Variants in RSRC1 observed in about 807,000 individuals in gnomAD.
RSRC1 encodes the protein arginine and serine rich coiled-coil 1.
RSRC1 carries 39 observed loss-of-function variants against 49.1 expected under a neutral mutation model. The ratio of observed to expected loss-of-function variants is 0.79; its 90% CI spans 0.61 to 1.04. The LOEUF is 1.04. Ranked by LOEUF, RSRC1 falls within the 50% of genes least tolerant of loss-of-function variation. The pLI is 0.00. For missense variants in RSRC1, 388 were observed against 402.4 expected (o/e 0.96, Z 0.31); for synonymous variants, 143 against 130.8 (o/e 1.09, Z -0.63).
At chr3:158,212,110 T>TA (rs1721708665) in intron 4 of RSRC1, among the ~76,000 whole-genome samples, 1 of 151,940 alleles carries the variant, frequency 6.6e-6, no homozygotes, top group Non-Finnish European at 1.5e-5. Flanking sequence ...TTTGTAATGT[T>TA]ACGATTACAA....
At chr3:158,393,980 G>A (rs1733472189) in intron 6 of RSRC1, among the ~76,000 whole-genome samples, 1 of 152,036 alleles carries the variant, frequency 6.6e-6, no homozygotes, top group African/African-American at 2.4e-5. Flanking sequence ...CTTTATCCCT[G>A]GGATGCAAGG....
intron 5 of RSRC1, among the ~76,000 whole-genome samples, chr3:158,345,064 A>T (rs1019915692): frequency 3.0e-5 from 4 of 131,766 alleles, no homozygotes; most frequent in Admixed American, 1.5e-4. Context: ...ACTAAAAAAT[A>T]AAAAAAAAAA....
intron 6 of RSRC1, among the ~76,000 whole-genome samples, chr3:158,378,537 G>C (rs1732509369): frequency 6.6e-6 from 1 of 152,158 alleles, no homozygotes; most frequent in Non-Finnish European, 1.5e-5. Flanking sequence ...GACCCAAATT[G>C]TAACTTACTT....
intron 1 of RSRC1, among the ~76,000 whole-genome samples, chr3:158,113,321 A>C (rs978144537): frequency 6.6e-6 from 1 of 152,044 alleles, no homozygotes. Flanking sequence ...GTTTATTAAT[A>C]AAAGTGTTCC....
chr3:158,227,880 A>G lies in RSRC1; in HGVS notation c.494+24635A>G, dbSNP rs191863336. On this transcript the variant is annotated intron_variant, in intron 4 of 9. Transcript: ENST00000611884. ...TGTGTTGCTGGAAACATTATTTACA[A>G]AAATAGGCAGTGGGACCACTTTGGC... Among the ~76,000 whole-genome samples, 219 of 152,156 alleles carry G rather than the reference A, an allele frequency of 1.4e-3. 1 individual carries two copies. Among genetic ancestry groups the G allele is most frequent in the African/African-American group, 5.2e-3 (214 of 41,548 alleles).
chr3:158,275,940 A>T, intron 4 of RSRC1: 3 of 733,650 alleles, frequency 4.1e-6, no homozygotes, highest in Non-Finnish European at 7.2e-6. Context: ...GTGAGCCCAC[A>T]CATTTCCCTG....
At chr3:158,229,072 G>T (rs1196238240) in intron 4 of RSRC1, among the ~76,000 whole-genome samples, 1 of 98,418 alleles carries the variant, frequency 1.0e-5, no homozygotes, top group Non-Finnish European at 2.3e-5. Context: ...GTATAAACAC[G>T]TGTATATGTG....
At chr3:158,134,119 AAT>A (rs905954409) in intron 3 of RSRC1, among the ~76,000 whole-genome samples, 12 of 152,156 alleles carry the variant, frequency 7.9e-5, no homozygotes, top group African/African-American at 2.7e-4. Flanking sequence ...TCAGCCTGAA[AAT>A]ATTGCTGAGT....
chr3:158,458,747 T>C (rs1737473018), intron 6 of RSRC1, among the ~76,000 whole-genome samples: 2 of 152,172 alleles, frequency 1.3e-5, no homozygotes, highest in Admixed American at 1.3e-4. Flanking sequence ...TGGTGTCAAA[T>C]TTCATGGCAC....
chr3:158,372,932 A>G (rs1028002610), intron 6 of RSRC1, among the ~76,000 whole-genome samples: 1 of 151,746 alleles, frequency 6.6e-6, no homozygotes, highest in African/African-American at 2.4e-5. Context: ...TTTATTCCTA[A>G]ATATTTCATG....
intron 6 of RSRC1, among the ~76,000 whole-genome samples, chr3:158,428,202 C>G (rs578256460): frequency 2.3e-4 from 35 of 151,952 alleles, no homozygotes; most frequent in African/African-American, 7.5e-4. Context: ...TAATACACCT[C>G]CAGCCAGATT....
At chr3:158,158,938 CA>C (rs11340589) in intron 3 of RSRC1, among the ~76,000 whole-genome samples, 75,052 of 119,256 alleles carry the variant, frequency 0.63, 20,696 homozygotes, top group East Asian at 0.69. Flanking sequence ...GACTCTGTCT[CA>C]AAAAAAAAAA....
At chr3:158,311,591 A>G (rs1174909106) in intron 5 of RSRC1, among the ~76,000 whole-genome samples, 2 of 152,032 alleles carry the variant, frequency 1.3e-5, no homozygotes, top group African/African-American at 4.8e-5. Flanking sequence ...ACATACTGTA[A>G]GAGTACAAAG....
intron 7 of RSRC1, among the ~76,000 whole-genome samples, chr3:158,508,389 C>T (rs563807401): frequency 3.9e-5 from 6 of 152,016 alleles, no homozygotes; most frequent in African/African-American, 1.4e-4. Context: ...TGTCTCTACC[C>T]TCTCTCTATA....
intron 7 of RSRC1, among the ~76,000 whole-genome samples, chr3:158,531,037 A>G (rs2108500217): frequency 6.7e-6 from 1 of 150,292 alleles, no homozygotes; most frequent in Non-Finnish European, 1.5e-5. Context: ...TTTTAATGGT[A>G]ACTTTACTGC....
chr3:158,256,814 C>T (rs953980215), intron 4 of RSRC1, among the ~76,000 whole-genome samples: 1 of 152,004 alleles, frequency 6.6e-6, no homozygotes, highest in Non-Finnish European at 1.5e-5. Context: ...TGTATGTGTC[C>T]AGGAATTTAT....
intron 3 of RSRC1, among the ~76,000 whole-genome samples, chr3:158,145,734 T>G (rs1717054367): frequency 6.6e-6 from 1 of 152,224 alleles, no homozygotes; most frequent in East Asian, 1.9e-4. Context: ...GTATGGCCAT[T>G]TTCACGATAT....
chr3:158,519,484 C>T (rs1318529780), intron 7 of RSRC1, among the ~76,000 whole-genome samples: 1 of 151,282 alleles, frequency 6.6e-6, no homozygotes, highest in Non-Finnish European at 1.5e-5. Flanking sequence ...GAGGGACTTG[C>T]CACCCAAAGA....
intron 8 of RSRC1, 124 bp downstream of exon 8, chr3:158,537,322 A>G: frequency 1.8e-6 from 1 of 550,576 alleles, no homozygotes; most frequent in Non-Finnish European, 3.2e-6. Context: ...AGTGTCAGCC[A>G]TGTTGCTGAG....
Sources: allele counts gnomAD v4.1 joint callset (sites outside exome capture counted in the v4.1 genomes callset), GRCh38; gene constraint gnomAD v4.1.1; transcripts MANE v1.5; gene names NCBI Gene and HGNC (gene_info 2026-07-23, HGNC 2026-07-21).